MARCHF1: variants seen among roughly 807,000 people sequenced by gnomAD.
MARCHF1 encodes the protein membrane associated ring-CH-type finger 1.
A neutral mutation model predicts 54.2 loss-of-function variants in MARCHF1; 40 were observed. That is an observed-to-expected ratio of 0.74 (90% CI 0.57 to 0.96). The LOEUF is 0.96. Ranked by LOEUF, MARCHF1 falls within the 40% of genes least tolerant of loss-of-function variation. MARCHF1 has a pLI of 0.00. For synonymous variants in MARCHF1, 236 were observed against 236.3 expected (o/e 1.00, Z 0.01); for missense variants, 586 against 656.5 (o/e 0.89, Z 1.17).
intron 2 of MARCHF1, among the ~76,000 whole-genome samples, chr4:164,010,036 A>G (rs1024154301): frequency 1.3e-5 from 2 of 151,404 alleles, no homozygotes; most frequent in African/African-American, 2.4e-5. Context: ...AGCTTTAGAA[A>G]AACCTAAAGA....
intron 1 of MARCHF1, among the ~76,000 whole-genome samples, chr4:164,242,625 G>A (rs1367277851): frequency 1.3e-5 from 2 of 152,084 alleles, no homozygotes; most frequent in Admixed American, 1.3e-4. Flanking sequence ...AAAGCTGGAT[G>A]GAGAATGACT....
At chr4:164,303,093 G>A (rs1339670261) in intron 1 of MARCHF1, among the ~76,000 whole-genome samples, 3 of 151,894 alleles carry the variant, frequency 2.0e-5, no homozygotes, top group Non-Finnish European at 4.4e-5. Context: ...CTCACACTGG[G>A]GTCTGTAATT....
At chr4:163,652,290 T>G (rs533300134) in intron 5 of MARCHF1, among the ~76,000 whole-genome samples, 10 of 151,900 alleles carry the variant, frequency 6.6e-5, no homozygotes, top group Non-Finnish European at 1.5e-4. Flanking sequence ...TATAGCTCCC[T>G]GTTTTATTTA....
At chr4:164,230,896 T>G (rs1283664150) in intron 1 of MARCHF1, among the ~76,000 whole-genome samples, 1 of 152,192 alleles carries the variant, frequency 6.6e-6, no homozygotes, top group African/African-American at 2.4e-5. Flanking sequence ...GAGACAATAA[T>G]TGAAATTTCA....
At chr4:164,053,644 T>C (rs1754421389) in intron 2 of MARCHF1, among the ~76,000 whole-genome samples, 2 of 152,362 alleles carry the variant, frequency 1.3e-5, no homozygotes, top group Non-Finnish European at 2.9e-5. Context: ...TTATTTCATA[T>C]TTCTCTTTTT....
chr4:163,918,405 C>T (rs1290525068), intron 3 of MARCHF1, among the ~76,000 whole-genome samples: 2 of 152,046 alleles, frequency 1.3e-5, no homozygotes, highest in Non-Finnish European at 2.9e-5. Context: ...GGTGTCTACT[C>T]TAAGAGCACA....
intron 1 of MARCHF1, among the ~76,000 whole-genome samples, chr4:164,352,640 C>T (rs1433765203): frequency 6.6e-6 from 1 of 150,502 alleles, no homozygotes; most frequent in Non-Finnish European, 1.5e-5. Flanking sequence ...ACAACCGGTA[C>T]CAGCCGCTGC....
At chr4:164,099,690 A>G (rs1458571737) in intron 2 of MARCHF1, among the ~76,000 whole-genome samples, 2 of 152,182 alleles carry the variant, frequency 1.3e-5, no homozygotes, top group Non-Finnish European at 2.9e-5. Flanking sequence ...TTATGCGGGA[A>G]AAACAAATGA....
At chr4:163,749,704 T>C (rs931828292) in intron 4 of MARCHF1, among the ~76,000 whole-genome samples, 1 of 152,054 alleles carries the variant, frequency 6.6e-6, no homozygotes, top group South Asian at 2.1e-4. Context: ...GTTAGACAGC[T>C]TCTAAGAGCC....
chr4:164,225,790 A>C (rs80011036), intron 1 of MARCHF1, among the ~76,000 whole-genome samples: 2,092 of 152,168 alleles, frequency 0.014, 47 homozygotes, highest in African/African-American at 0.047. Context: ...GTTTCTTTTT[A>C]ATTAAACATC....
intron 8 of MARCHF1, among the ~76,000 whole-genome samples, chr4:163,578,422 A>C (rs1740109388): frequency 6.6e-6 from 1 of 152,146 alleles, no homozygotes; most frequent in African/African-American, 2.4e-5. Context: ...GTTCTATTTA[A>C]TCTATCCAGC....
chr4:164,191,682 T>A (rs1731127623), intron 1 of MARCHF1, among the ~76,000 whole-genome samples: 1 of 152,162 alleles, frequency 6.6e-6, no homozygotes, highest in South Asian at 2.1e-4. Context: ...TTATAAGTAA[T>A]ATGTTAAAAA....
At chr4:163,672,826 G>A (rs1001426453) in intron 5 of MARCHF1, among the ~76,000 whole-genome samples, 6 of 152,094 alleles carry the variant, frequency 3.9e-5, no homozygotes, top group African/African-American at 7.2e-5. Flanking sequence ...GCTTCTTGAC[G>A]TTTCCTGCAT....
intron 1 of MARCHF1, among the ~76,000 whole-genome samples, chr4:164,311,292 A>G (rs1318196581): frequency 6.6e-6 from 1 of 152,208 alleles, no homozygotes; most frequent in Non-Finnish European, 1.5e-5. Flanking sequence ...GGGAAAAAAA[A>G]GGAAAATAAC....
At chr4:163,876,959 T>C (rs1333677128) in intron 3 of MARCHF1, among the ~76,000 whole-genome samples, 2 of 152,148 alleles carry the variant, frequency 1.3e-5, no homozygotes, top group African/African-American at 4.8e-5. Flanking sequence ...ACGAAAAAGA[T>C]AACCTTATGG....
At chr4:163,723,733 T>C (rs569145565) in intron 4 of MARCHF1, among the ~76,000 whole-genome samples, 1 of 152,298 alleles carries the variant, frequency 6.6e-6, no homozygotes, top group East Asian at 1.9e-4. Flanking sequence ...CTTTTTACTC[T>C]TTTTTCTCTA....
chr4:164,363,572 G>A (rs1036232271), intron 1 of MARCHF1, among the ~76,000 whole-genome samples: 4 of 152,036 alleles, frequency 2.6e-5, no homozygotes, highest in East Asian at 1.9e-4. Context: ...AGCCAACAAA[G>A]TTCATCCAGG....
chr4:163,739,915 G>A (rs911012149), intron 4 of MARCHF1, among the ~76,000 whole-genome samples: 69 of 152,252 alleles, frequency 4.5e-4, no homozygotes, highest in African/African-American at 1.6e-3. Flanking sequence ...TTCTCTTTGA[G>A]AGGGCATTCC....
intron 1 of MARCHF1, among the ~76,000 whole-genome samples, chr4:164,149,366 T>C (rs1260988873): frequency 6.6e-6 from 1 of 152,168 alleles, no homozygotes; most frequent in Admixed American, 6.6e-5. Context: ...ATTTGAAATG[T>C]AAATTCTTAT....
Sources: gnomAD v4.1 joint callset for allele counts (sites outside exome capture counted in the v4.1 genomes callset) on GRCh38, gnomAD v4.1.1 for gene constraint, MANE v1.5 for transcripts, NCBI Gene and HGNC (gene_info 2026-07-23, HGNC 2026-07-21) for gene names.